Variants in KIF26B observed in about 807,000 individuals in gnomAD.
KIF26B encodes the protein kinesin-like protein KIF26B.
KIF26B carries 63 observed loss-of-function variants against 151.2 expected under a neutral mutation model. That is an observed-to-expected ratio of 0.42 (90% CI 0.34 to 0.51). The LOEUF (loss-of-function observed/expected upper bound fraction) is 0.51, where lower values mean the gene tolerates loss of function less well. Among genes scored for constraint, KIF26B ranks in the 20% least tolerant of loss-of-function variants. KIF26B has a pLI of 0.07. For missense variants in KIF26B, 2,813 were observed against 2,913.6 expected, an observed-to-expected ratio of 0.97 and a Z score of 0.79; for synonymous variants, 1,357 against 1,262.1, an observed-to-expected ratio of 1.08 and a Z score of -1.59.
At chr1:245,432,781 G>T (rs1471708755) in intron 4 of KIF26B, among the ~76,000 whole-genome samples, 2 of 152,162 alleles carry the variant, frequency 1.3e-5, no homozygotes, top group Non-Finnish European at 2.9e-5. Context: ...CAGGGCCATT[G>T]TCTATCAGCT....
At chr1:245,314,601 C>T (rs926077880) in intron 2 of KIF26B, among the ~76,000 whole-genome samples, 6 of 152,120 alleles carry the variant, frequency 3.9e-5, no homozygotes, top group African/African-American at 1.2e-4. Context: ...GAATGCTTGT[C>T]TGGGTGAGGG....
intron 4 of KIF26B, among the ~76,000 whole-genome samples, chr1:245,527,351 C>T (rs140997802): frequency 4.6e-5 from 7 of 151,888 alleles, no homozygotes; most frequent in East Asian, 1.9e-4. Flanking sequence ...TTTAATTAGC[C>T]GGTGATTGTC....
chr1:245,508,359 G>A (rs1197614147), intron 4 of KIF26B, among the ~76,000 whole-genome samples: 1 of 152,122 alleles, frequency 6.6e-6, no homozygotes, highest in Non-Finnish European at 1.5e-5. Context: ...TCCTGCCTCA[G>A]CCTCCCAAGT....
intron 5 of KIF26B, among the ~76,000 whole-genome samples, chr1:245,567,649 C>T (rs1183048047): frequency 6.6e-6 from 1 of 152,194 alleles, no homozygotes; most frequent in Admixed American, 6.5e-5. Flanking sequence ...TGCTGCTCCC[C>T]CAGTGGCCCA....
chr1:245,379,897 G>A (rs568734176), intron 3 of KIF26B, among the ~76,000 whole-genome samples: 80 of 151,876 alleles, frequency 5.3e-4, no homozygotes, highest in African/African-American at 1.7e-3. Context: ...CTTGAACCCG[G>A]GCGGCAGAGG....
At chr1:245,321,056 T>C (rs1167598444) in intron 2 of KIF26B, among the ~76,000 whole-genome samples, 1 of 152,184 alleles carries the variant, frequency 6.6e-6, no homozygotes, top group Non-Finnish European at 1.5e-5. Context: ...GTCACAAAAG[T>C]GTTCTGGTTA....
chr1:245,271,372 G>A (rs1573745151), intron 2 of KIF26B, among the ~76,000 whole-genome samples: 1 of 152,108 alleles, frequency 6.6e-6, no homozygotes, highest in South Asian at 2.1e-4. Flanking sequence ...ACAATATTAA[G>A]TCTTGTAATC....
At chr1:245,273,425 A>T (rs10802202) in intron 2 of KIF26B, among the ~76,000 whole-genome samples, 65 of 56,442 alleles carry the variant, frequency 1.2e-3, no homozygotes, top group South Asian at 4.1e-3. Flanking sequence ...TCAAAAAAAA[A>T]AAAAAAAAAA....
intron 4 of KIF26B, among the ~76,000 whole-genome samples, chr1:245,502,463 G>A (rs1444278394): frequency 1.4e-4 from 21 of 150,602 alleles, no homozygotes; most frequent in African/African-American, 4.9e-4. Flanking sequence ...GGAGGGGGAG[G>A]TTGCAGTGAG....
At chr1:245,192,143 T>C (rs1204633191) in intron 2 of KIF26B, among the ~76,000 whole-genome samples, 2 of 152,182 alleles carry the variant, frequency 1.3e-5, no homozygotes, top group Non-Finnish European at 1.5e-5. Flanking sequence ...AGAAGCTGCA[T>C]GTTCAGCATT....
intron 4 of KIF26B, among the ~76,000 whole-genome samples, chr1:245,430,695 A>G (rs950735321): frequency 2.0e-5 from 3 of 152,056 alleles, no homozygotes; most frequent in African/African-American, 7.2e-5. Context: ...ATAATAGCCT[A>G]CATTTTTGAG....
At chr1:245,190,629 G>GTTT (rs768099890) in intron 2 of KIF26B, among the ~76,000 whole-genome samples, 1,187 of 79,786 alleles carry the variant, frequency 0.015, 59 homozygotes, top group African/African-American at 0.047. Context: ...TTCCCTGAAT[G>GTTT]TTTTGTTTTG....
At chr1:245,588,082 T>C (rs2043246377) in intron 5 of KIF26B, among the ~76,000 whole-genome samples, 1 of 152,150 alleles carries the variant, frequency 6.6e-6, no homozygotes, top group South Asian at 2.1e-4. Flanking sequence ...CTCAGCCTCC[T>C]CCACAGCCCC....
rs773703036 is a variant in KIF26B, at chr1:245,259,254, A to G, written c.465+102571A>G. ...GTACATTTGTTGGAGCTTAGCCCCA[A>G]CAGTGCCTGCCTAGGTGGTGCGGAC... On this transcript the variant is annotated intron_variant, in intron 2 of 14. Coordinates refer to ENST00000407071, the MANE Select transcript of KIF26B (RefSeq NM_018012.4). 6.6e-5 allele frequency among the ~76,000 whole-genome samples: 10 copies of G among 152,294 alleles called. 1 individual carries two copies. The East Asian group carries it at 1.9e-3, about 29-fold the overall frequency.
chr1:245,451,915 A>T (rs72762803), intron 4 of KIF26B, among the ~76,000 whole-genome samples: 34,684 of 151,972 alleles, frequency 0.23, 4,444 homozygotes, highest in East Asian at 0.3. Flanking sequence ...CTATCTTTTT[A>T]AAAAAATTAT....
intron 4 of KIF26B, among the ~76,000 whole-genome samples, chr1:245,423,478 G>T (rs985855867): frequency 4.8e-5 from 7 of 146,606 alleles, no homozygotes; most frequent in African/African-American, 9.9e-5. Context: ...TTATTATAGG[G>T]TTTTTTTTTT....
chr1:245,371,266 G>A (rs565187131), intron 3 of KIF26B, among the ~76,000 whole-genome samples: 14 of 152,210 alleles, frequency 9.2e-5, no homozygotes, highest in Admixed American at 3.9e-4. Context: ...GGGGGCTCTG[G>A]GTCTGGCCAG....
intron 3 of KIF26B, among the ~76,000 whole-genome samples, chr1:245,416,112 C>CAAAA (rs375247191): frequency 0.12 from 14,893 of 124,340 alleles, 922 homozygotes; most frequent in Non-Finnish European, 0.15. Flanking sequence ...AGTAAAAATA[C>CAAAA]AAAAAAAAAA....
Position 245,516,321 on chromosome 1 carries a change from C to T in KIF26B, c.1167-24446C>T, listed in dbSNP as rs137930890. Among the ~76,000 whole-genome samples the T allele has an allele frequency of 1.1e-4, 17 of 152,236 alleles. No individual in the cohort carries two copies. Among genetic ancestry groups the T allele is most frequent in the South Asian group, 4.2e-4 (2 of 4,812 alleles). On this transcript the variant is annotated intron_variant, in intron 4 of 14. Coordinates refer to ENST00000407071, the MANE Select transcript of KIF26B (RefSeq NM_018012.4). The surrounding 1 kb of genome is among the most constrained non-coding windows in gnomAD (Gnocchi z 4.2). The stretch of plus-strand genomic sequence containing the variant: ...TATTTGCAGAACGGCAACAACAAAA[C>T]GTGTAACAGGAATTGTCCGTTCCCA...
Sources: allele counts gnomAD v4.1 joint callset (sites outside exome capture counted in the v4.1 genomes callset), GRCh38; gene constraint gnomAD v4.1.1; non-coding constraint Gnocchi (gnomAD v3.1); transcripts MANE v1.5; gene names NCBI Gene and HGNC (gene_info 2026-07-23, HGNC 2026-07-21).